Variants in PPP1R10 observed in about 807,000 individuals in gnomAD.
PPP1R10 encodes the protein serine/threonine-protein phosphatase 1 regulatory subunit 10.
A neutral mutation model predicts 99.0 loss-of-function variants in PPP1R10; 15 were observed. That is an observed-to-expected ratio of 0.15 (90% CI 0.10 to 0.23). The LOEUF is 0.23. PPP1R10 is among the 10% of genes least tolerant of loss of function. The probability of loss-of-function intolerance (pLI) is 1.00; values close to 1 mark genes in which losing one functional copy is unlikely to be tolerated. For synonymous variants in PPP1R10, 430 were observed against 449.5 expected, an observed-to-expected ratio of 0.96 and a Z score of 0.55; for missense variants, 947 against 1,259.4, an observed-to-expected ratio of 0.75 and a Z score of 3.75.
intron 6 of PPP1R10, 25 bp downstream of exon 6, chr6:30,607,815 T>C (rs775713932): frequency 2.4e-5 from 38 of 1,604,250 alleles, no homozygotes; most frequent in Middle Eastern, 1.6e-4. Context: ...GAAAAGCCCA[T>C]GAGAGAGCAG....
chr6:30,611,132 A>G (rs989439548), intron 2 of PPP1R10, among the ~76,000 whole-genome samples: 3 of 152,156 alleles, frequency 2.0e-5, no homozygotes, highest in Non-Finnish European at 4.4e-5. Flanking sequence ...AACATGGCGA[A>G]ACCTCATCTC....
intron 6 of PPP1R10, among the ~76,000 whole-genome samples, chr6:30,607,531 C>T (rs898932544): frequency 2.0e-5 from 3 of 152,066 alleles, no homozygotes; most frequent in Non-Finnish European, 4.4e-5. Flanking sequence ...AGATGAGACA[C>T]GCTAGGATGA....
rs774017455 is a variant in PPP1R10, at chr6:30,603,221, T to C, written c.1832A>G (p.Lys611Arg). 3.7e-6 allele frequency: 6 copies of C among 1,613,052 alleles called. No homozygotes were observed. In the Admixed American group the frequency reaches 8.3e-5, roughly 22 times the overall value. The change falls in exon 17 of 20, where the codon AAG (lysine) becomes AGG (arginine). Residue 611 changes from lysine to arginine, a missense_variant. By Grantham distance (26) the Lys-to-Arg change is conservative. Coordinates refer to ENST00000376511, the MANE Select transcript of PPP1R10 (RefSeq NM_002714.4). ...LKQPDYSDKI[K>R]QMLVPHGLLG... ...GCCCTGAAGATTACCCAGCATCTGC[T>C]TGATCTTGTCCGAATAGTCTGGTTG... is the stretch of plus-strand genomic sequence containing the variant.
chr6:30,613,569 T>C (rs574781119), intron 2 of PPP1R10, among the ~76,000 whole-genome samples: 11 of 152,152 alleles, frequency 7.2e-5, no homozygotes, highest in African/African-American at 2.7e-4. Context: ...ACCTGATACA[T>C]GAGCTCCTCA....
At position 30,606,924 on chromosome 6, in the gene PPP1R10, G is replaced by T; in HGVS notation, c.383-68C>A. 1 of 1,384,944 alleles carries T rather than the reference G, an allele frequency of 7.2e-7. No homozygotes were observed. The highest frequency in any genetic ancestry group is 1.0e-6 in the Non-Finnish European group (1 of 988,680). 85.8% of individuals were successfully genotyped at this position (1,384,944 alleles called of 1,614,324 possible). ...AACATTCTTCCAGGAACAGAAAATG[G>T]GAGGTTTGAGAAAATATTGTGAAAA... On this transcript the variant is annotated intron_variant, in intron 6 of 19. Transcript: ENST00000376511. This position sits in a 1 kb window ranked among gnomAD's most constrained non-coding sequence, Gnocchi z 6.3.
intron 1 of PPP1R10, 29 bp downstream of exon 1, chr6:30,617,195 C>T (rs938087195): frequency 2.0e-5 from 3 of 153,248 alleles, no homozygotes; most frequent in African/African-American, 7.2e-5. Context: ...AAAATTTTAC[C>T]CACTAGACGA....
chr6:30,603,982 C>T, intron 14 of PPP1R10, 26 bp downstream of exon 14: 2 of 1,557,680 alleles, frequency 1.3e-6, no homozygotes, highest in South Asian at 1.2e-5. Flanking sequence ...CTCAACATCC[C>T]AGGGCACGAA....
chr6:30,615,954 T>C (rs1760473509), intron 2 of PPP1R10, among the ~76,000 whole-genome samples: 2 of 152,192 alleles, frequency 1.3e-5, no homozygotes, highest in African/African-American at 2.4e-5. Context: ...TATAGCGAGC[T>C]ATTACTTCTC....
chr6:30,601,300 C>A lies in PPP1R10; in HGVS notation c.*249G>T. ...GAATCTTCTCAAAAAGTGAAGCCAA[C>A]TGGGTCTCCTCTTCAGCAGTCCAGG... On this transcript the variant is annotated 3_prime_UTR_variant, in exon 20 of 20. Coordinates refer to ENST00000376511, the MANE Select transcript of PPP1R10 (RefSeq NM_002714.4). 1 of 520,908 alleles carries A rather than the reference C, an allele frequency of 1.9e-6. No homozygotes were observed. Among genetic ancestry groups the A allele is most frequent in the Non-Finnish European group, 3.4e-6 (1 of 294,092 alleles). 32.3% of individuals were successfully genotyped at this position (520,908 alleles called of 1,614,324 possible). A position where few individuals can be genotyped will look rare whatever the true frequency, so the allele number is the denominator to read the frequency against.
Position 30,616,758 on chromosome 6 carries a change from T to G in PPP1R10, c.-292A>C, listed in dbSNP as rs1254027321. ...GGGTGGTTTGGGAAGGGAGGGTGGT[T>G]GATTATTTTTGAAGTTATGTAGTGA... On this transcript the variant is annotated 5_prime_UTR_variant, in exon 2 of 20. Coordinates refer to ENST00000376511, the MANE Select transcript of PPP1R10 (RefSeq NM_002714.4). The G allele has an allele frequency of 6.6e-6, 1 of 151,820 alleles. No individual in the cohort carries two copies. The highest frequency in any genetic ancestry group is 1.5e-5 in the Non-Finnish European group (1 of 67,942). 9.4% of individuals were successfully genotyped at this position (151,820 alleles called of 1,614,324 possible).
rs923019808 is a variant in PPP1R10, at chr6:30,606,307, G to T, written c.635-64C>A. ...CCCCAGACCCCCGAATTTTCCTCCC[G>T]TTCTCACCCGCAAATGTTCTTCTAG... On this transcript the variant is annotated intron_variant, in intron 8 of 19. Coordinates refer to ENST00000376511, the MANE Select transcript of PPP1R10 (RefSeq NM_002714.4). This position sits in a 1 kb window ranked among gnomAD's most constrained non-coding sequence, Gnocchi z 6.3. 50 of 1,582,742 alleles carry T rather than the reference G, an allele frequency of 3.2e-5. 1 individual carries two copies. The highest frequency in any genetic ancestry group is 4.3e-5 in the Non-Finnish European group (50 of 1,157,444).
At chr6:30,607,403 A>T (rs552854009) in intron 6 of PPP1R10, among the ~76,000 whole-genome samples, 1 of 152,348 alleles carries the variant, frequency 6.6e-6, no homozygotes, top group East Asian at 1.9e-4. Flanking sequence ...AATACTTTGT[A>T]ACTCTTTCCT....
Position 30,605,904 on chromosome 6 carries a change from T to G in PPP1R10, c.853+19A>C. The G allele has an allele frequency of 6.3e-7, 1 of 1,575,064 alleles. No individual in the cohort carries two copies. Among genetic ancestry groups the G allele is most frequent in the Non-Finnish European group, 8.7e-7 (1 of 1,151,106 alleles). ...GTTTGCTCCTAATTCAAAGTACATCTTCCCCACTTTAGACTCACGCTGTGG... is the reference window on the plus strand; with the variant it reads ...GTTTGCTCCTAATTCAAAGTACATCGTCCCCACTTTAGACTCACGCTGTGG... On this transcript the variant is annotated intron_variant, in intron 10 of 19. Transcript: ENST00000376511.
Position 30,606,990 on chromosome 6 carries a change from C to A in PPP1R10, c.383-134G>T. ...AAGTAACCCAAAGTTTTAAGAAGAA[C>A]ATGAGATATGCTTAAAAACCAAACC... On this transcript the variant is annotated intron_variant, in intron 6 of 19. Transcript: ENST00000376511. The surrounding 1 kb of genome is among the most constrained non-coding windows in gnomAD (Gnocchi z 6.3). 1.3e-6 allele frequency: 1 copy of A among 771,646 alleles called. No individual in the cohort carries two copies. Among genetic ancestry groups the A allele is most frequent in the African/African-American group, 1.8e-5 (1 of 56,848 alleles). The allele number at this position is 771,646 out of a possible 1,614,324, so 47.8% of individuals were successfully genotyped here.
chr6:30,602,811 G>C lies in PPP1R10; in HGVS notation c.1957+35C>G. On this transcript the variant is annotated intron_variant, in intron 18 of 19. Coordinates refer to ENST00000376511, the MANE Select transcript of PPP1R10 (RefSeq NM_002714.4). The surrounding 1 kb of genome is among the most constrained non-coding windows in gnomAD (Gnocchi z 6.7). ...ACTATTATCAGACTGAAATTAAGCA[G>C]ATAAGCCCATTCCAACCTTTTACTC... 3 of 1,546,610 alleles carry C rather than the reference G, an allele frequency of 1.9e-6. No homozygotes were observed. The highest frequency in any genetic ancestry group is 2.6e-6 in the Non-Finnish European group (3 of 1,140,896).
At position 30,616,858 on chromosome 6, in the gene PPP1R10, A is replaced by C. The variant is rs1760629051; in HGVS notation, c.-392T>G. ...GTGGGCAAGATAGGTGGGAAGGGGCAGAAGACACAAGTGGTTGGGCTGGTG... is the reference window on the plus strand; with the variant it reads ...GTGGGCAAGATAGGTGGGAAGGGGCCGAAGACACAAGTGGTTGGGCTGGTG... On this transcript the variant is annotated 5_prime_UTR_variant, in exon 2 of 20. Coordinates refer to ENST00000376511, the MANE Select transcript of PPP1R10 (RefSeq NM_002714.4). The C allele has an allele frequency of 6.6e-6, 1 of 152,300 alleles. No homozygotes were observed. The highest frequency in any genetic ancestry group is 1.5e-5 in the Non-Finnish European group (1 of 68,086). The allele number at this position is 152,300 out of a possible 1,614,324, so 9.4% of individuals were successfully genotyped here.
In PPP1R10 at chr6:30,604,707, G is replaced by A. The variant is rs1561835189; in HGVS notation, c.983C>T (p.Thr328Ile). The change falls in exon 12 of 20, where the codon ACA becomes ATA. Residue 328 changes from threonine (T) to isoleucine (I), a missense_variant. Physicochemically the swap from Thr to Ile is moderately conservative, Grantham distance 89 (BLOSUM62 -1). This residue lies in a region of PPP1R10 where 100 missense variants were observed against 105.8 expected (regional missense o/e 0.94). Transcript: ENST00000376511. This position sits in a 1 kb window ranked among gnomAD's most constrained non-coding sequence, Gnocchi z 7.3. Reference protein sequence around the residue: ...KPSPFEGKTSTEPSTAKPSSP... With the variant: ...KPSPFEGKTSIEPSTAKPSSP... ...AGAAGGTTTGGCTGTGCTTGGTTCT[G>A]TGCTCGTTTTCCCTTCAAAGGGGCT... 6.2e-7 allele frequency: 1 copy of A among 1,613,096 alleles called. No individual in the cohort carries two copies. The highest frequency in any genetic ancestry group is 8.5e-7 in the Non-Finnish European group (1 of 1,180,040).
chr6:30,608,758 G>C, intron 5 of PPP1R10, 21 bp downstream of exon 5: 2 of 1,610,454 alleles, frequency 1.2e-6, no homozygotes, highest in Middle Eastern at 1.7e-4. Context: ...GGAAGAATCA[G>C]GGTTTAAAGA....
At chr6:30,607,295 T>A (rs577929564) in intron 6 of PPP1R10, among the ~76,000 whole-genome samples, 5 of 152,384 alleles carry the variant, frequency 3.3e-5, no homozygotes, top group African/African-American at 1.2e-4. Flanking sequence ...AGTTGCTTTA[T>A]GTATAACACA....
Sources: allele counts gnomAD v4.1 joint callset (sites outside exome capture counted in the v4.1 genomes callset), GRCh38; gene constraint gnomAD v4.1.1; regional missense constraint gnomAD v4.1.1; non-coding constraint Gnocchi (gnomAD v3.1); transcripts MANE v1.5; gene names NCBI Gene and HGNC (gene_info 2026-07-23, HGNC 2026-07-21).